Variants in CNOT1 observed in about 807,000 individuals in gnomAD.
CNOT1 encodes CCR4-NOT transcription complex subunit 1.
A neutral mutation model predicts 273.8 loss-of-function variants in CNOT1; 15 were observed. That is an observed-to-expected ratio of 0.05 (90% CI 0.04 to 0.08). The LOEUF is 0.08. Ranked by LOEUF, CNOT1 falls within the 10% of genes least tolerant of loss-of-function variation. The pLI, the probability that CNOT1 is intolerant of heterozygous loss-of-function variation, is 1.00. For missense variants in CNOT1, 1,644 were observed against 2,912.2 expected, an observed-to-expected ratio of 0.56 and a Z score of 10.02; for synonymous variants, 1,022 against 1,005.5, an observed-to-expected ratio of 1.02 and a Z score of -0.31.
At chr16:58,548,310 A>G (rs1203287623) in intron 25 of CNOT1, among the ~76,000 whole-genome samples, 1 of 152,176 alleles carries the variant, frequency 6.6e-6, no homozygotes, top group Admixed American at 6.5e-5. Context: ...CAGAACTAAC[A>G]TAGGAGAGTG....
chr16:58,559,582 G>A (rs148546922), intron 17 of CNOT1, among the ~76,000 whole-genome samples: 1 of 152,256 alleles, frequency 6.6e-6, no homozygotes, highest in African/African-American at 2.4e-5. Flanking sequence ...TCTAATAACT[G>A]CACTTCCAGG....
At chr16:58,559,272 A>G (rs1049310205) in intron 17 of CNOT1, among the ~76,000 whole-genome samples, 1 of 152,178 alleles carries the variant, frequency 6.6e-6, no homozygotes, top group African/African-American at 2.4e-5. Context: ...GAGCCATAAA[A>G]AGGGCTACAA....
intron 39 of CNOT1, among the ~76,000 whole-genome samples, chr16:58,536,783 G>A (rs906243823): frequency 6.6e-6 from 1 of 152,078 alleles, no homozygotes; most frequent in African/African-American, 2.4e-5. Flanking sequence ...CAGAACCAAC[G>A]GTGGGAGGGA....
rs903499380 is a variant in CNOT1, at chr16:58,547,123, C to T, written c.3750+63G>A. On this transcript the variant is annotated intron_variant, in intron 27 of 48. Transcript: ENST00000317147. The surrounding 1 kb of genome is among the most constrained non-coding windows in gnomAD (Gnocchi z 4.0). Reference sequence around the variant, plus strand: ...AGAACTAAGAATATAATCTCTTGACCTCATGCTAAAACAAAGCAATGCTTA... The same window carrying T: ...AGAACTAAGAATATAATCTCTTGACTTCATGCTAAAACAAAGCAATGCTTA... 2 of 1,567,770 alleles carry T rather than the reference C, an allele frequency of 1.3e-6. No homozygotes were observed. Among genetic ancestry groups the T allele is most frequent in the Non-Finnish European group, 1.7e-6 (2 of 1,155,978 alleles).
chr16:58,596,690 A>G (rs1169097799), intron 2 of CNOT1, among the ~76,000 whole-genome samples: 1 of 151,898 alleles, frequency 6.6e-6, no homozygotes. Context: ...GATTGAGACC[A>G]TCCTGGCTAA....
At chr16:58,577,797 A>T (rs2041510915) in intron 13 of CNOT1, among the ~76,000 whole-genome samples, 1 of 151,446 alleles carries the variant, frequency 6.6e-6, no homozygotes, top group African/African-American at 2.4e-5. Context: ...ACATGTTTGC[A>T]TCACTGCACT....
At chr16:58,572,027 T>C (rs1480792209) in intron 16 of CNOT1, among the ~76,000 whole-genome samples, 1 of 152,094 alleles carries the variant, frequency 6.6e-6, no homozygotes, top group Non-Finnish European at 1.5e-5. Flanking sequence ...TTCACACCTG[T>C]AATCTCAGCA....
In CNOT1 at chr16:58,615,894, C is replaced by T. The variant is rs1040696862; in HGVS notation, c.-175+13834G>A. Among the ~76,000 whole-genome samples the T allele has an allele frequency of 1.0e-4, 12 of 118,910 alleles. 1 individual carries two copies. The highest frequency in any genetic ancestry group is 3.4e-4 in the African/African-American group (12 of 35,422). 78.0% of individuals were successfully genotyped at this position (118,910 alleles called of 152,430 possible). A position where few individuals can be genotyped will look rare whatever the true frequency, so the allele number is the denominator to read the frequency against. On this transcript the variant is annotated intron_variant, in intron 1 of 48. Transcript: ENST00000317147. ...ACCAGGAGTTCAAGACCAGCCTAGGCAACATAGAATAACCCCATCTCTACT... is the reference window on the plus strand; with the variant it reads ...ACCAGGAGTTCAAGACCAGCCTAGGTAACATAGAATAACCCCATCTCTACT...
intron 21 of CNOT1, among the ~76,000 whole-genome samples, chr16:58,554,952 A>AAAAAAAAAAAAAC (rs1381342315): frequency 2.2e-5 from 3 of 138,906 alleles, no homozygotes; most frequent in Non-Finnish European, 4.7e-5. Context: ...AAAAAAAAAA[A>AAAAAAAAAAAAAC]AGCTTCAGGC....
At chr16:58,628,166 C>G (rs555200193) in intron 1 of CNOT1, among the ~76,000 whole-genome samples, 1 of 152,292 alleles carries the variant, frequency 6.6e-6, no homozygotes, top group Non-Finnish European at 1.5e-5. Flanking sequence ...GGGGAACCCA[C>G]ACTTGTTGAA....
Position 58,538,842 on chromosome 16 carries a change from G to C in CNOT1, c.5065C>G (p.Leu1689Val). 1 of 1,611,724 alleles carries C rather than the reference G, an allele frequency of 6.2e-7. No individual in the cohort carries two copies. Among genetic ancestry groups the C allele is most frequent in the East Asian group, 2.2e-5 (1 of 44,808 alleles). Residue 1689 changes from leucine to valine, a missense_variant, in exon 36 of 49, where the codon CTC becomes GTC. Coordinates refer to ENST00000317147, the MANE Select transcript of CNOT1 (RefSeq NM_016284.5). ...TCCTGCAGAGCTTTTAGGACCAAGAGGTGGCATTCCCTGTAGCGCAGCAGA... is the reference window on the plus strand; with the variant it reads ...TCCTGCAGAGCTTTTAGGACCAAGACGTGGCATTCCCTGTAGCGCAGCAGA... ...DLLLRYRECHLLVLKALQDGR... is the reference protein window; with the variant it reads ...DLLLRYRECHVLVLKALQDGR...
Position 58,580,556 on chromosome 16 carries a change from A to C in CNOT1, c.1343+77T>G. On this transcript the variant is annotated intron_variant, in intron 12 of 48. Coordinates refer to ENST00000317147, the MANE Select transcript of CNOT1 (RefSeq NM_016284.5). ...CTTCATTTAAACCTGTTAACTATGT[A>C]CTTGGCTTACTATTAACTTTATATT... 3.3e-6 allele frequency: 5 copies of C among 1,535,902 alleles called. No homozygotes were observed. In the South Asian group the frequency reaches 6.4e-5, roughly 20 times the overall value.
chr16:58,527,841 C>T (rs960974303), intron 44 of CNOT1: 10 of 206,992 alleles, frequency 4.8e-5, no homozygotes, highest in Non-Finnish European at 8.9e-5. Context: ...TATGGCAGGG[C>T]GTGGTGGCTC....
intron 16 of CNOT1, among the ~76,000 whole-genome samples, chr16:58,567,305 G>T (rs1283042876): frequency 6.6e-6 from 1 of 152,000 alleles, no homozygotes; most frequent in East Asian, 1.9e-4. Context: ...GTAATAGAGT[G>T]AGACTATTTA....
chr16:58,536,834 G>A, intron 39 of CNOT1, 155 bp downstream of exon 39: 2 of 1,243,622 alleles, frequency 1.6e-6, no homozygotes, highest in African/African-American at 1.5e-5. Context: ...TGAGAAAACA[G>A]GCTGTAATTT....
intron 16 of CNOT1, among the ~76,000 whole-genome samples, chr16:58,565,522 C>G (rs1364910143): frequency 6.6e-6 from 1 of 152,182 alleles, no homozygotes. Flanking sequence ...TCACATTATA[C>G]CAACTATTCC....
chr16:58,594,852 C>T (rs1327179069), intron 2 of CNOT1, among the ~76,000 whole-genome samples: 1 of 151,172 alleles, frequency 6.6e-6, no homozygotes, highest in East Asian at 1.9e-4. Flanking sequence ...TACAGTGGCT[C>T]ACGCCTGTAA....
At position 58,550,105 on chromosome 16, in the gene CNOT1, G is replaced by A. The variant is rs554827899; in HGVS notation, c.3343-207C>T. On this transcript the variant is annotated intron_variant, in intron 24 of 48. Coordinates refer to ENST00000317147, the MANE Select transcript of CNOT1 (RefSeq NM_016284.5). ...CACAACTCAACCCATACGTGATTGG[G>A]ACTGAAACATCTATGGCTATTTTCA... is the stretch of plus-strand genomic sequence containing the variant. Among the ~76,000 whole-genome samples, 14 of 152,312 alleles carry A rather than the reference G, an allele frequency of 9.2e-5. No individual in the cohort carries two copies. In the South Asian group the frequency reaches 2.7e-3, roughly 29 times the overall value.
At chr16:58,620,282 T>C (rs953132635) in intron 1 of CNOT1, among the ~76,000 whole-genome samples, 2 of 152,180 alleles carry the variant, frequency 1.3e-5, no homozygotes, top group Non-Finnish European at 2.9e-5. Context: ...TAGGTATTTA[T>C]AGACAGTACA....
Sources: gnomAD v4.1 joint callset for allele counts (sites outside exome capture counted in the v4.1 genomes callset) on GRCh38, gnomAD v4.1.1 for gene constraint, Gnocchi (gnomAD v3.1) non-coding constraint, MANE v1.5 for transcripts, NCBI Gene and HGNC (gene_info 2026-07-23, HGNC 2026-07-21) for gene names.